STON2: variants seen among roughly 807,000 people sequenced by gnomAD.
The protein encoded by STON2 is stonin 2, also known as stonin-2.
STON2 carries 29 observed loss-of-function variants against 65.7 expected under a neutral mutation model. The ratio of observed to expected loss-of-function variants is 0.44; its 90% CI spans 0.33 to 0.60. The LOEUF is 0.60. Among genes scored for constraint, STON2 ranks in the 20% least tolerant of loss-of-function variants. The probability of loss-of-function intolerance (pLI) is 0.03; values close to 1 mark genes in which losing one functional copy is unlikely to be tolerated. For missense variants in STON2, 1,054 were observed against 1,118.1 expected, an observed-to-expected ratio of 0.94 and a Z score of 0.82; for synonymous variants, 404 against 414.2, an observed-to-expected ratio of 0.98 and a Z score of 0.30.
chr14:81,394,837 T>C (rs1900237738), intron 3 of STON2: 1 of 152,256 alleles, frequency 6.6e-6, no homozygotes, highest in African/African-American at 2.4e-5. Context: ...ACACCTTGAT[T>C]TTGACCCGGT....
intron 5 of STON2, among the ~76,000 whole-genome samples, chr14:81,291,273 A>T (rs1352901735): frequency 6.6e-6 from 1 of 152,220 alleles, no homozygotes; most frequent in Non-Finnish European, 1.5e-5. Context: ...AATTATGAAG[A>T]CAGAATGTAT....
rs538881112 is a variant in STON2 at position 81,399,429 on chromosome 14, A to G, written c.-198-849T>C. On this transcript the variant is annotated intron_variant, in intron 1 of 7. Transcript: ENST00000614646. ...CAATATCAGTTCTTATTAACTAAATATACACAATATTCAGATAGTTTCTAG... is the reference window on the plus strand; with the variant it reads ...CAATATCAGTTCTTATTAACTAAATGTACACAATATTCAGATAGTTTCTAG... Among the ~76,000 whole-genome samples, 4 of 152,354 alleles carry G rather than the reference A, an allele frequency of 2.6e-5. No homozygotes were observed. In the South Asian group the frequency reaches 6.2e-4, roughly 24 times the overall value.
intron 4 of STON2, among the ~76,000 whole-genome samples, chr14:81,354,459 T>A (rs1052198945): frequency 6.6e-6 from 1 of 152,070 alleles, no homozygotes; most frequent in Admixed American, 6.6e-5. Context: ...ACACAAGGAT[T>A]ACAAAGACTT....
chr14:81,300,504 A>G (rs1038721329), intron 5 of STON2, among the ~76,000 whole-genome samples: 3 of 152,204 alleles, frequency 2.0e-5, no homozygotes, highest in African/African-American at 7.2e-5. Context: ...AAAAGAATAC[A>G]TAACTCCCAG....
At chr14:81,269,047 G>A (rs899945987) in intron 7 of STON2, among the ~76,000 whole-genome samples, 3 of 151,896 alleles carry the variant, frequency 2.0e-5, no homozygotes, top group South Asian at 4.2e-4. Flanking sequence ...TACTCAGACC[G>A]GAGTGCACTG....
chr14:81,406,728 T>C (rs1900883259), intron 2 of STON2, among the ~76,000 whole-genome samples: 1 of 152,186 alleles, frequency 6.6e-6, no homozygotes, highest in Admixed American at 6.5e-5. Context: ...TGTCCCCCAC[T>C]ATTGCCTGAT....
At chr14:81,426,615 G>A (rs1191408766) in intron 2 of STON2, among the ~76,000 whole-genome samples, 1 of 152,062 alleles carries the variant, frequency 6.6e-6, no homozygotes, top group African/African-American at 2.4e-5. Flanking sequence ...TGAAATGACT[G>A]CGGCAAGAAC....
intron 5 of STON2, among the ~76,000 whole-genome samples, chr14:81,310,017 A>G (rs930846078): frequency 6.6e-6 from 1 of 152,196 alleles, no homozygotes; most frequent in African/African-American, 2.4e-5. Flanking sequence ...AAAATTCATT[A>G]TTTAATACCC....
upstream of STON2, among the ~76,000 whole-genome samples, chr14:81,401,193 T>C (rs1016877433): frequency 4.6e-5 from 7 of 152,232 alleles, no homozygotes; most frequent in African/African-American, 1.4e-4. Context: ...TAGAGTCATG[T>C]GCTCAGCTAC....
At chr14:81,380,918 A>G (rs1899482570) in intron 3 of STON2, among the ~76,000 whole-genome samples, 1 of 152,088 alleles carries the variant, frequency 6.6e-6, no homozygotes, top group Admixed American at 6.6e-5. Context: ...CCAAACCCCC[A>G]TGACAGGCAA....
chr14:81,425,757 C>T (rs527534785), intron 2 of STON2, among the ~76,000 whole-genome samples: 25 of 152,230 alleles, frequency 1.6e-4, no homozygotes, highest in African/African-American at 5.1e-4. Flanking sequence ...TGAGCATCTG[C>T]GATTCTTGTA....
At chr14:81,300,501 T>A (rs560131208) in intron 5 of STON2, among the ~76,000 whole-genome samples, 52 of 152,230 alleles carry the variant, frequency 3.4e-4, no homozygotes, top group African/African-American at 1.1e-3. Flanking sequence ...GATAAAAGAA[T>A]ACATAACTCC....
chr14:81,354,201 C>A (rs922828283), intron 4 of STON2, among the ~76,000 whole-genome samples: 1 of 152,316 alleles, frequency 6.6e-6, no homozygotes, highest in Non-Finnish European at 1.5e-5. Context: ...AACAGCTCAG[C>A]CTGACTGCAG....
intron 2 of STON2, chr14:81,418,226 T>C (rs1228952755): frequency 6.5e-6 from 1 of 152,758 alleles, no homozygotes; most frequent in Non-Finnish European, 1.5e-5. Context: ...AAGTCACATC[T>C]TACATGGATG....
chr14:81,292,820 T>C (rs1566893039), intron 5 of STON2, among the ~76,000 whole-genome samples: 1 of 152,198 alleles, frequency 6.6e-6, no homozygotes, highest in African/African-American at 2.4e-5. Context: ...CAGGCTGAGA[T>C]TACTACTTTT....
intron 4 of STON2, among the ~76,000 whole-genome samples, chr14:81,353,258 A>T (rs1304179005): frequency 6.6e-6 from 1 of 152,248 alleles, no homozygotes; most frequent in Non-Finnish European, 1.5e-5. Context: ...TTCTCTTTTA[A>T]TTCTTACCAA....
intron 5 of STON2, among the ~76,000 whole-genome samples, chr14:81,309,506 A>G (rs1336728739): frequency 6.6e-6 from 1 of 152,170 alleles, no homozygotes; most frequent in African/African-American, 2.4e-5. Context: ...TCACTTAATT[A>G]TCCTTGAGAA....
chr14:81,285,876 G>A (rs572386656), intron 5 of STON2, among the ~76,000 whole-genome samples: 6 of 152,248 alleles, frequency 3.9e-5, no homozygotes, highest in South Asian at 2.1e-4. Flanking sequence ...GGCCGGGTGC[G>A]GTGGCTCATG....
At position 81,331,157 on chromosome 14, in the gene STON2, A is replaced by G. The variant is rs899448624; in HGVS notation, c.572-6970T>C. ...CATACCTCAAGGCTAAAGCAATTCA[A>G]GCTTTTCTCTTTCTAAGATAAAAAA... is the stretch of plus-strand genomic sequence containing the variant. On this transcript the variant is annotated intron_variant, in intron 4 of 7. Transcript: ENST00000614646. Among the ~76,000 whole-genome samples the G allele has an allele frequency of 5.9e-5, 9 of 152,354 alleles. No individual in the cohort carries two copies. In the East Asian group the frequency reaches 1.5e-3, roughly 26 times the overall value.
Sources: allele counts gnomAD v4.1 joint callset (sites outside exome capture counted in the v4.1 genomes callset), GRCh38; gene constraint gnomAD v4.1.1; transcripts MANE v1.5; gene names NCBI Gene and HGNC (gene_info 2026-07-23, HGNC 2026-07-21).